SPSB4: variants seen among roughly 807,000 people sequenced by gnomAD.
The protein encoded by SPSB4 is splA/ryanodine receptor domain and SOCS box containing 4.
Under a neutral mutation model 20.9 loss-of-function variants are expected in SPSB4, and 21 were observed. That is an observed-to-expected ratio of 1.01 (90% confidence interval 0.71 to 1.45). SPSB4 has a LOEUF of 1.45. Among genes scored for constraint, SPSB4 ranks in the 40% most tolerant of loss-of-function variants. SPSB4 has a pLI of 0.00. For missense variants in SPSB4, 399 were observed against 399.2 expected (o/e 1.00, Z 0.00); for synonymous variants, 207 against 183.8 (o/e 1.13, Z -1.02).
chr3:141,069,776 T>C (rs1402913735), intron 2 of SPSB4, among the ~76,000 whole-genome samples: 1 of 152,170 alleles, frequency 6.6e-6, no homozygotes, highest in African/African-American at 2.4e-5. Context: ...GCCCCTGTGT[T>C]GATTAACTAG....
chr3:141,052,164 G>A (rs557339799), intron 1 of SPSB4, among the ~76,000 whole-genome samples, 172 bp downstream of exon 1: 182 of 152,308 alleles, frequency 1.2e-3, no homozygotes, highest in Non-Finnish European at 1.8e-3. Context: ...TTTGCGCGCA[G>A]CCCTGGGGCG....
intron 2 of SPSB4, among the ~76,000 whole-genome samples, chr3:141,134,928 G>A (rs1939200611): frequency 6.6e-6 from 1 of 151,154 alleles, no homozygotes; most frequent in African/African-American, 2.4e-5. Flanking sequence ...TGTAAATGAG[G>A]TATAACAGGT....
intron 2 of SPSB4, among the ~76,000 whole-genome samples, chr3:141,105,549 T>G (rs1465708256): frequency 6.6e-6 from 1 of 152,238 alleles, no homozygotes; most frequent in African/African-American, 2.4e-5. Flanking sequence ...GCAGCAGCCC[T>G]GTCTGGCGTA....
intron 2 of SPSB4, among the ~76,000 whole-genome samples, chr3:141,120,970 AT>A (rs1938956978): frequency 6.6e-6 from 1 of 151,114 alleles, no homozygotes; most frequent in Non-Finnish European, 1.5e-5. Flanking sequence ...TTAGCTGGCT[AT>A]TTTGCTCGTT....
chr3:141,092,253 GGATTA>G (rs1938467270), intron 2 of SPSB4, among the ~76,000 whole-genome samples: 1 of 152,146 alleles, frequency 6.6e-6, no homozygotes, highest in Non-Finnish European at 1.5e-5. Context: ...CATTGTTTAA[GGATTA>G]GACATAACAA....
At chr3:141,100,953 G>A (rs930594355) in intron 2 of SPSB4, among the ~76,000 whole-genome samples, 1 of 152,154 alleles carries the variant, frequency 6.6e-6, no homozygotes, top group African/African-American at 2.4e-5. Context: ...CTTTTCCAGT[G>A]CCCAAGACAG....
intron 1 of SPSB4, among the ~76,000 whole-genome samples, chr3:141,064,833 T>C (rs1937833751): frequency 6.6e-6 from 1 of 152,184 alleles, no homozygotes; most frequent in South Asian, 2.1e-4. Flanking sequence ...GGGTTCTGTC[T>C]GGTTTCCTAG....
Position 141,140,238 on chromosome 3 carries a change from AT to A in SPSB4, c.695-6896del, listed in dbSNP as rs536439818. ...GTTATTCTAGTTATCCATTCGTCTAATTTTTTTTCAAAGTTTTTAACTTCTT... is the reference window on the plus strand; with the variant it reads ...GTTATTCTAGTTATCCATTCGTCTAATTTTTTTCAAAGTTTTTAACTTCTT... On this transcript the variant is annotated intron_variant, in intron 2 of 2. Transcript: ENST00000310546. Among the ~76,000 whole-genome samples the A allele has an allele frequency of 5.3e-3, 810 of 151,660 alleles. 4 individuals are homozygous for A. Among genetic ancestry groups the A allele is most frequent in the Non-Finnish European group, 8.4e-3 (570 of 67,864 alleles).
intron 1 of SPSB4, among the ~76,000 whole-genome samples, chr3:141,057,254 G>A (rs1937666386): frequency 6.6e-6 from 1 of 152,126 alleles, no homozygotes; most frequent in Non-Finnish European, 1.5e-5. Flanking sequence ...CATTGTTGGT[G>A]GGTTCATTCT....
At position 141,059,274 on chromosome 3, in the gene SPSB4, T is replaced by C. The variant is rs940630354; in HGVS notation, c.-153-6678T>C. Among the ~76,000 whole-genome samples the C allele has an allele frequency of 2.6e-5, 4 of 152,230 alleles. No homozygotes were observed. The East Asian group carries it at 7.7e-4, about 29-fold the overall frequency. ...GCTCCACCTCCAAATACTATCACAC[T>C]GGGGCTTTGTGTTAGGCCATTTTTG... is the stretch of plus-strand genomic sequence containing the variant. On this transcript the variant is annotated intron_variant, in intron 1 of 2. Transcript: ENST00000310546.
At chr3:141,144,686 T>A (rs1483605960) in intron 2 of SPSB4, among the ~76,000 whole-genome samples, 1 of 152,238 alleles carries the variant, frequency 6.6e-6, no homozygotes, top group South Asian at 2.1e-4. Flanking sequence ...TCCTTTTCCT[T>A]CTTCCTTTGG....
chr3:141,119,293 T>C (rs1470964674), intron 2 of SPSB4, among the ~76,000 whole-genome samples: 1 of 152,206 alleles, frequency 6.6e-6, no homozygotes, highest in Non-Finnish European at 1.5e-5. Flanking sequence ...TCTCTGTTTG[T>C]CTGTTGTTGG....
In SPSB4 at chr3:141,051,673, G is replaced by T. The variant is rs545752618; in HGVS notation, c.-473G>T. 2 of 152,130 alleles carry T rather than the reference G, an allele frequency of 1.3e-5. No individual in the cohort carries two copies. Among genetic ancestry groups the T allele is most frequent in the East Asian group, 3.9e-4 (2 of 5,098 alleles). 9.4% of individuals were successfully genotyped at this position (152,130 alleles called of 1,614,324 possible). On this transcript the variant is annotated 5_prime_UTR_variant, in exon 1 of 3. Transcript: ENST00000310546. ...CGGGTCAGGCGCCAAGCTTCCAAGC[G>T]GCTAGAGCGCGGGCCTTGGAGCGCC... is the stretch of plus-strand genomic sequence containing the variant.
chr3:141,147,551 A>G lies in SPSB4; in HGVS notation c.*282A>G, dbSNP rs1258553787. The G allele has an allele frequency of 2.3e-6, 1 of 427,018 alleles. No individual in the cohort carries two copies. Among genetic ancestry groups the G allele is most frequent in the Non-Finnish European group, 4.3e-6 (1 of 233,174 alleles). 26.5% of individuals were successfully genotyped at this position (427,018 alleles called of 1,614,324 possible). On this transcript the variant is annotated 3_prime_UTR_variant, in exon 3 of 3. Transcript: ENST00000310546. The stretch of plus-strand genomic sequence containing the variant: ...CCTCCTGGAAATCCTGCCACCAACC[A>G]GGACACAGCAGCCACCGTATTGATC...
At chr3:141,116,432 G>A (rs1938881081) in intron 2 of SPSB4, among the ~76,000 whole-genome samples, 1 of 152,236 alleles carries the variant, frequency 6.6e-6, no homozygotes, top group East Asian at 1.9e-4. Context: ...CAGGGCCATG[G>A]GGCCCTTGGG....
At chr3:141,119,902 G>A (rs113874355) in intron 2 of SPSB4, among the ~76,000 whole-genome samples, 1 of 151,720 alleles carries the variant, frequency 6.6e-6, no homozygotes, top group Non-Finnish European at 1.5e-5. Flanking sequence ...GTTTTTTTGT[G>A]TCTCTATCTC....
chr3:141,107,664 T>G lies in SPSB4; in HGVS notation c.695-39478T>G, dbSNP rs147403099. 9.8e-3 allele frequency among the ~76,000 whole-genome samples: 1,488 copies of G among 152,338 alleles called. 29 individuals are homozygous for G. The highest frequency in any genetic ancestry group is 0.034 in the African/African-American group (1,427 of 41,576). ...CTAGTCTCTAAAATTGACTTGAAGA[T>G]TTTTATTTGTGCCCAGGCACAGTGG... On this transcript the variant is annotated intron_variant, in intron 2 of 2. Transcript: ENST00000310546.
chr3:141,089,991 C>T (rs1403167529), intron 2 of SPSB4, among the ~76,000 whole-genome samples: 3 of 151,020 alleles, frequency 2.0e-5, no homozygotes, highest in Non-Finnish European at 4.4e-5. Context: ...CCACTCCCTC[C>T]CTCCCCCGTC....
At chr3:141,070,674 C>T (rs767073869) in intron 2 of SPSB4, among the ~76,000 whole-genome samples, 8 of 152,132 alleles carry the variant, frequency 5.3e-5, no homozygotes, top group Admixed American at 1.3e-4. Flanking sequence ...ACACGTCACC[C>T]GGCCATTTTG....
Sources: allele counts gnomAD v4.1 joint callset (sites outside exome capture counted in the v4.1 genomes callset), GRCh38; gene constraint gnomAD v4.1.1; transcripts MANE v1.5; gene names NCBI Gene and HGNC (gene_info 2026-07-23, HGNC 2026-07-21).